The following DAG1 variants were observed in gnomAD, a reference collection of about 807,000 sequenced individuals.
DAG1 encodes the protein dystroglycan 1.
Under a neutral mutation model 46.1 loss-of-function variants are expected in DAG1, and 8 were observed. That is an observed-to-expected ratio of 0.17 (90% CI 0.10 to 0.31). The LOEUF is 0.31. Ranked by LOEUF, DAG1 falls within the 10% of genes least tolerant of loss-of-function variation. The probability of loss-of-function intolerance (pLI) is 1.00; values close to 1 mark genes in which losing one functional copy is unlikely to be tolerated. For synonymous variants in DAG1, 495 were observed against 481.8 expected, an observed-to-expected ratio of 1.03 and a Z score of -0.36; for missense variants, 1,003 against 1,189.9, an observed-to-expected ratio of 0.84 and a Z score of 2.31.
At chr3:49,491,278 G>A (rs1052818505) in intron 1 of DAG1, among the ~76,000 whole-genome samples, 3 of 151,614 alleles carry the variant, frequency 2.0e-5, no homozygotes, top group African/African-American at 7.3e-5. Flanking sequence ...CCGAAATGCT[G>A]GGATTACAGG....
At chr3:49,527,835 T>G (rs117313928) in intron 2 of DAG1, among the ~76,000 whole-genome samples, 6 of 152,244 alleles carry the variant, frequency 3.9e-5, no homozygotes, top group African/African-American at 1.4e-4. Context: ...GGCTCCCTTC[T>G]TCTAGTCCCT....
chr3:49,523,661 T>C (rs749726598), intron 2 of DAG1, among the ~76,000 whole-genome samples: 36 of 152,204 alleles, frequency 2.4e-4, no homozygotes, highest in African/African-American at 6.0e-4. Flanking sequence ...CCAAGGTCAG[T>C]TGGGAAGGAG....
At chr3:49,529,394 A>G (rs2051281729) in intron 2 of DAG1, among the ~76,000 whole-genome samples, 1 of 152,138 alleles carries the variant, frequency 6.6e-6, no homozygotes, top group Non-Finnish European at 1.5e-5. Context: ...AAGGGGGGAA[A>G]TTATCTAGTT....
chr3:49,480,119 T>G (rs1433003477), intron 1 of DAG1, among the ~76,000 whole-genome samples: 2 of 143,474 alleles, frequency 1.4e-5, no homozygotes, highest in East Asian at 2.0e-4. Flanking sequence ...CCGGCTATTT[T>G]TTTTTTTTTT....
chr3:49,488,386 C>T (rs1291795241), intron 1 of DAG1, among the ~76,000 whole-genome samples: 1 of 152,188 alleles, frequency 6.6e-6, no homozygotes, highest in Non-Finnish European at 1.5e-5. Flanking sequence ...TTCCAATGTA[C>T]ATATCCTTTG....
intron 1 of DAG1, among the ~76,000 whole-genome samples, chr3:49,481,908 C>T (rs964604902): frequency 6.6e-6 from 1 of 152,122 alleles, no homozygotes; most frequent in Admixed American, 6.6e-5. Context: ...TGGATTCCTC[C>T]AACTATGGAT....
intron 1 of DAG1, among the ~76,000 whole-genome samples, chr3:49,474,451 T>G (rs1444775420): frequency 6.6e-6 from 1 of 152,204 alleles, no homozygotes; most frequent in African/African-American, 2.4e-5. Flanking sequence ...GTTCAAGTGA[T>G]TCTCCTGCCT....
chr3:49,488,549 T>C (rs925101115), intron 1 of DAG1: 1 of 152,090 alleles, frequency 6.6e-6, no homozygotes, highest in African/African-American at 2.4e-5. Context: ...AAGAAGGATC[T>C]ACCCACTGGG....
intron 2 of DAG1, among the ~76,000 whole-genome samples, chr3:49,526,537 C>T (rs1385133377): frequency 6.6e-6 from 1 of 151,790 alleles, no homozygotes; most frequent in Non-Finnish European, 1.5e-5. Context: ...GGCGAAATCC[C>T]ATCTCTAAAA....
At chr3:49,520,653 C>A (rs2051003285) in intron 2 of DAG1, among the ~76,000 whole-genome samples, 2 of 152,164 alleles carry the variant, frequency 1.3e-5, no homozygotes, top group African/African-American at 4.8e-5. Context: ...CCAGCCCACA[C>A]CTTAAGGGCT....
chr3:49,525,961 C>A (rs1285682236), intron 2 of DAG1, among the ~76,000 whole-genome samples: 1 of 152,120 alleles, frequency 6.6e-6, no homozygotes, highest in African/African-American at 2.4e-5. Flanking sequence ...AGCGACTCTC[C>A]TGCCTCAGCC....
chr3:49,534,110 C>T lies in DAG1; in HGVS notation c.*911C>T, dbSNP rs1329834326. 1 of 152,498 alleles carries T rather than the reference C, an allele frequency of 6.6e-6. No individual in the cohort carries two copies. The highest frequency in any genetic ancestry group is 1.9e-4 in the East Asian group (1 of 5,190). The allele number at this position is 152,498 out of a possible 1,614,324, so 9.4% of individuals were successfully genotyped here. On this transcript the variant is annotated 3_prime_UTR_variant, in exon 3 of 3. Transcript: ENST00000308775. ...ACTTTGGTGCTCCAGGGTGGGCCAG[C>T]TGCTTGTGGGGGCACCTGGGAGGTC...
chr3:49,478,228 C>T (rs867823317), intron 1 of DAG1, among the ~76,000 whole-genome samples: 3 of 142,238 alleles, frequency 2.1e-5, no homozygotes, highest in Admixed American at 7.6e-5. Context: ...GAGCCGAGAT[C>T]GTGCTGTTGC....
chr3:49,496,436 C>T (rs2050312162), intron 1 of DAG1, among the ~76,000 whole-genome samples: 2 of 147,688 alleles, frequency 1.4e-5, no homozygotes, highest in South Asian at 4.3e-4. Context: ...CGGCTCACCA[C>T]AACCTCCACC....
intron 2 of DAG1, among the ~76,000 whole-genome samples, chr3:49,528,367 C>T (rs190584687): frequency 7.2e-6 from 1 of 138,200 alleles, no homozygotes; most frequent in Non-Finnish European, 1.5e-5. Flanking sequence ...TCACTGCAGC[C>T]TCTGTCTCCT....
intron 1 of DAG1, among the ~76,000 whole-genome samples, chr3:49,488,087 G>T (rs945903349): frequency 6.6e-6 from 1 of 152,102 alleles, no homozygotes; most frequent in East Asian, 1.9e-4. Flanking sequence ...TTCATTAGTT[G>T]TCTAGATGCT....
Position 49,499,809 on chromosome 3 carries a change from TG to T in DAG1, c.-116-10609del, listed in dbSNP as rs563810829. On this transcript the variant is annotated intron_variant, in intron 1 of 2. Coordinates refer to ENST00000308775, the MANE Select transcript of DAG1 (RefSeq NM_004393.6). ...CTGAACCTTACCCTTGGATGCCTGG[TG>T]TCCTTGCCAGTTACTGTATAATGTT... Among the ~76,000 whole-genome samples, 8 of 152,278 alleles carry T rather than the reference TG, an allele frequency of 5.3e-5. No individual in the cohort carries two copies. In the East Asian group the frequency reaches 1.5e-3, roughly 29 times the overall value.
intron 2 of DAG1, among the ~76,000 whole-genome samples, chr3:49,520,722 A>G (rs1332991826): frequency 6.6e-6 from 1 of 152,212 alleles, no homozygotes; most frequent in African/African-American, 2.4e-5. Context: ...TTCCCTCCAA[A>G]AGATTTGTAG....
At chr3:49,509,075 A>G (rs1173828484) in intron 1 of DAG1, among the ~76,000 whole-genome samples, 1 of 152,154 alleles carries the variant, frequency 6.6e-6, no homozygotes. Flanking sequence ...TTTACACGCA[A>G]AATTCCTCAA....
Sources: allele counts gnomAD v4.1 joint callset (sites outside exome capture counted in the v4.1 genomes callset), GRCh38; gene constraint gnomAD v4.1.1; transcripts MANE v1.5; gene names NCBI Gene and HGNC (gene_info 2026-07-23, HGNC 2026-07-21).